NOTCH2: variants seen among roughly 807,000 people sequenced by gnomAD.
NOTCH2 encodes the protein neurogenic locus notch homolog protein 2.
NOTCH2 carries 29 observed loss-of-function variants against 235.8 expected under a neutral mutation model. The observed-to-expected ratio is 0.12, with a 90% CI of 0.09 to 0.17. The LOEUF (loss-of-function observed/expected upper bound fraction) is 0.17, where lower values mean the gene tolerates loss of function less well. NOTCH2 is among the 10% of genes least tolerant of loss of function. The pLI, the probability that NOTCH2 is intolerant of heterozygous loss-of-function variation, is 1.00. For synonymous variants in NOTCH2, 1,086 were observed against 1,141.5 expected (o/e 0.95, Z 0.98); for missense variants, 2,285 against 3,150.2 (o/e 0.73, Z 6.57).
chr1:120,011,594 T>G (rs1553206939), intron 2 of NOTCH2, among the ~76,000 whole-genome samples: 1 of 152,114 alleles, frequency 6.6e-6, no homozygotes, highest in Non-Finnish European at 1.5e-5. Context: ...ACATATTTTC[T>G]AAGTACTTAA....
intron 18 of NOTCH2, among the ~76,000 whole-genome samples, chr1:119,941,038 C>T (rs1650045310): frequency 6.6e-6 from 1 of 152,164 alleles, no homozygotes; most frequent in Non-Finnish European, 1.5e-5. Flanking sequence ...GTAGTTTTCC[C>T]ATGTATCACA....
intron 17 of NOTCH2, 51 bp from the exon 18 acceptor site, chr1:119,941,805 C>T (rs370695090): frequency 8.8e-6 from 12 of 1,366,674 alleles, no homozygotes; most frequent in Non-Finnish European, 1.3e-5. Flanking sequence ...TCAGTTTAAT[C>T]TTAGATTCAT....
chr1:119,922,899 G>T (rs1051247861), intron 26 of NOTCH2, 121 bp from the exon 27 acceptor site: 56 of 1,207,952 alleles, frequency 4.6e-5, no homozygotes, highest in Non-Finnish European at 5.6e-5. Context: ...TCAGCATCAG[G>T]TCCCCACCTC....
In NOTCH2 at chr1:119,925,794, C is replaced by T; in HGVS notation, c.4022G>A (p.Arg1341Lys). ...CRCPPGFSGA[R>K]CQSSCGQVKC... ...CACTTGTCCACAGCTGCTCTGGCAC[C>T]TTGCCCCGGAAAATCCCTGTGGAAA... Residue 1341 changes from arginine (R) to lysine (K), a missense_variant, in exon 25 of 34, where the codon AGG becomes AAG. Arg to Lys is a conservative substitution (Grantham distance 26, BLOSUM62 2). Transcript: ENST00000256646. 6.2e-7 allele frequency: 1 copy of T among 1,614,118 alleles called. No homozygotes were observed. Among genetic ancestry groups the T allele is most frequent in the Non-Finnish European group, 8.5e-7 (1 of 1,180,020 alleles).
chr1:119,926,110 A>C (rs1649463939), intron 24 of NOTCH2, among the ~76,000 whole-genome samples: 1 of 152,208 alleles, frequency 6.6e-6, no homozygotes, highest in African/African-American at 2.4e-5. Flanking sequence ...AGAATGTAAG[A>C]GCAGCATTTC....
intron 17 of NOTCH2, among the ~76,000 whole-genome samples, chr1:119,942,703 C>T (rs782518945): frequency 6.6e-6 from 1 of 152,106 alleles, no homozygotes; most frequent in South Asian, 2.1e-4. Context: ...TTGTTGGTCC[C>T]ACTTCATACA....
chr1:120,015,126 A>C (rs1405995820), intron 2 of NOTCH2, among the ~76,000 whole-genome samples: 1 of 152,068 alleles, frequency 6.6e-6, no homozygotes, highest in Non-Finnish European at 1.5e-5. Flanking sequence ...CAAAATCATG[A>C]TTTTTAAAAA....
At chr1:119,958,168 C>T (rs781942933) in intron 12 of NOTCH2, among the ~76,000 whole-genome samples, 4 of 152,160 alleles carry the variant, frequency 2.6e-5, no homozygotes, top group Admixed American at 1.3e-4. Flanking sequence ...TGTATTCACT[C>T]GACTGCCACT....
intron 2 of NOTCH2, among the ~76,000 whole-genome samples, chr1:120,015,131 T>A (rs1365804429): frequency 3.3e-5 from 5 of 152,122 alleles, no homozygotes; most frequent in African/African-American, 7.2e-5. Context: ...TCATGATTTT[T>A]AAAAAAACTA....
intron 23 of NOTCH2, among the ~76,000 whole-genome samples, chr1:119,927,698 G>T (rs1649520896): frequency 6.6e-6 from 1 of 152,192 alleles, no homozygotes; most frequent in South Asian, 2.1e-4. Context: ...ACAGGAGCCA[G>T]TTTTGATGCT....
chr1:120,048,517 T>C (rs2101393563), intron 1 of NOTCH2, among the ~76,000 whole-genome samples: 1 of 124,094 alleles, frequency 8.1e-6, no homozygotes, highest in East Asian at 2.2e-4. Flanking sequence ...GGCATAATCA[T>C]GGCTCACTGC....
chr1:120,037,727 T>C (rs1347568080), intron 1 of NOTCH2, among the ~76,000 whole-genome samples: 2 of 151,614 alleles, frequency 1.3e-5, no homozygotes, highest in Admixed American at 1.3e-4. Flanking sequence ...GTTTTCCTAA[T>C]AGTGTTCCAA....
intron 16 of NOTCH2, 47 bp from the exon 17 acceptor site, chr1:119,948,613 C>T (rs1650345244): frequency 6.2e-7 from 1 of 1,611,150 alleles, no homozygotes; most frequent in East Asian, 2.2e-5. Flanking sequence ...GAAGCTGATT[C>T]CCACAAAAAT....
intron 21 of NOTCH2, among the ~76,000 whole-genome samples, chr1:119,936,998 G>A (rs912647733): frequency 3.9e-5 from 6 of 152,028 alleles, no homozygotes; most frequent in Non-Finnish European, 7.4e-5. Flanking sequence ...TGTTGGGTGG[G>A]CCTGTAAAAT....
intron 1 of NOTCH2, among the ~76,000 whole-genome samples, chr1:120,033,727 T>C (rs1402896075): frequency 1.3e-5 from 2 of 151,426 alleles, no homozygotes; most frequent in Admixed American, 6.6e-5. Flanking sequence ...ATATATTGCA[T>C]AGAGTGGTGA....
intron 11 of NOTCH2, among the ~76,000 whole-genome samples, chr1:119,962,306 G>A (rs765580302): frequency 2.4e-4 from 36 of 152,220 alleles, no homozygotes; most frequent in Non-Finnish European, 4.4e-4. Flanking sequence ...AAAGCCCCTC[G>A]ATTCTAAAGA....
At chr1:119,960,822 C>T (rs1553198914) in intron 11 of NOTCH2, among the ~76,000 whole-genome samples, 1 of 152,026 alleles carries the variant, frequency 6.6e-6, no homozygotes, top group Non-Finnish European at 1.5e-5. Context: ...TACCACCTTA[C>T]CTGGCTAATT....
intron 5 of NOTCH2, among the ~76,000 whole-genome samples, chr1:119,972,032 TAGTG>T (rs1212786222): frequency 6.7e-6 from 1 of 148,184 alleles, no homozygotes; most frequent in Non-Finnish European, 1.5e-5. Context: ...AACACTGAGG[TAGTG>T]AGTGAGGGAG....
chr1:119,949,291 T>C (rs1419060141), intron 15 of NOTCH2, among the ~76,000 whole-genome samples, 165 bp from the exon 16 acceptor site: 1 of 151,980 alleles, frequency 6.6e-6, no homozygotes, highest in African/African-American at 2.4e-5. Flanking sequence ...TATTGTTAAC[T>C]GTGTAACCTT....
Sources: gnomAD v4.1 joint callset for allele counts (sites outside exome capture counted in the v4.1 genomes callset) on GRCh38, gnomAD v4.1.1 for gene constraint, MANE v1.5 for transcripts, NCBI Gene and HGNC (gene_info 2026-07-23, HGNC 2026-07-21) for gene names.